The following DNAH5 variants were observed in gnomAD, a reference collection of about 807,000 sequenced individuals.
DNAH5 encodes the protein axonemal beta dynein heavy chain 5.
In DNAH5, 372 loss-of-function variants were observed where a neutral mutation model predicts 518.2. The observed-to-expected ratio is 0.72, with a 90% CI of 0.66 to 0.78. DNAH5 has a LOEUF of 0.78. Ranked by LOEUF, DNAH5 falls within the 30% of genes least tolerant of loss-of-function variation. The pLI is 0.00. For synonymous variants in DNAH5, 2,039 were observed against 2,025.9 expected (o/e 1.01, Z -0.17); for missense variants, 5,523 against 5,687.0 (o/e 0.97, Z 0.93).
rs562130872 is a variant in DNAH5 at position 13,701,536 on chromosome 5, T to C, written c.13339-100A>G. 9 of 1,209,868 alleles carry C rather than the reference T, an allele frequency of 7.4e-6. No homozygotes were observed. The South Asian group carries it at 1.2e-4, about 16-fold the overall frequency. 74.9% of individuals were successfully genotyped at this position (1,209,868 alleles called of 1,614,324 possible). A position where few individuals can be genotyped will look rare whatever the true frequency, so the allele number is the denominator to read the frequency against. ...AAAAAAAAAAGATGAAATATCAATT[T>C]CACTTTTATAATGAAAAAAGTCCCT... On this transcript the variant is annotated intron_variant, in intron 76 of 78. Transcript: ENST00000265104.
At chr5:13,811,382 G>A (rs893998963) in intron 44 of DNAH5, among the ~76,000 whole-genome samples, 7 of 152,102 alleles carry the variant, frequency 4.6e-5, no homozygotes, top group African/African-American at 4.8e-5. Context: ...TGGGATACCC[G>A]TTGCATGACT....
intron 75 of DNAH5, among the ~76,000 whole-genome samples, chr5:13,713,107 G>GTATATATA (rs1554018591): frequency 1.4e-5 from 2 of 139,924 alleles, no homozygotes; most frequent in African/African-American, 2.7e-5. Flanking sequence ...GTGTGTGTGT[G>GTATATATA]TATATATATA....
At chr5:13,945,502 C>T (rs145572825), upstream of DNAH5, among the ~76,000 whole-genome samples, 5 of 152,294 alleles carry the variant, frequency 3.3e-5, no homozygotes, top group South Asian at 2.1e-4. Flanking sequence ...TGCTAGGGCA[C>T]GGACGGCCTC....
intron 12 of DNAH5, among the ~76,000 whole-genome samples, chr5:13,909,470 T>A (rs576443396): frequency 5.5e-4 from 83 of 152,098 alleles, no homozygotes; most frequent in African/African-American, 1.8e-3. Flanking sequence ...CACACAAACA[T>A]CTTTCTAGCA....
At chr5:13,933,899 C>T (rs1335993766) in intron 1 of DNAH5, among the ~76,000 whole-genome samples, 1 of 151,720 alleles carries the variant, frequency 6.6e-6, no homozygotes, top group East Asian at 1.9e-4. Context: ...AACAATGCTA[C>T]ACAGGATTGG....
At chr5:13,748,838 G>A (rs1329675497) in intron 65 of DNAH5, among the ~76,000 whole-genome samples, 1 of 152,064 alleles carries the variant, frequency 6.6e-6, no homozygotes, top group Non-Finnish European at 1.5e-5. Context: ...GGGACAATTT[G>A]ACTTCCTCTT....
intron 21 of DNAH5, among the ~76,000 whole-genome samples, chr5:13,879,605 GA>G (rs1771357577): frequency 6.6e-6 from 1 of 151,736 alleles, no homozygotes; most frequent in South Asian, 2.1e-4. Flanking sequence ...AACAAAGACA[GA>G]AAGTATAAAA....
chr5:13,694,700 C>T (rs1168468213), intron 78 of DNAH5, among the ~76,000 whole-genome samples: 2 of 152,134 alleles, frequency 1.3e-5, no homozygotes, highest in African/African-American at 4.8e-5. Flanking sequence ...CCAAAATAAT[C>T]GTTACATAGA....
At chr5:13,925,741 G>A (rs997288937) in intron 3 of DNAH5, among the ~76,000 whole-genome samples, 1 of 152,194 alleles carries the variant, frequency 6.6e-6, no homozygotes. Context: ...AATTGTGGGA[G>A]TTACAATTCA....
At chr5:13,936,527 G>A (rs181565649) in intron 1 of DNAH5, among the ~76,000 whole-genome samples, 1 of 152,170 alleles carries the variant, frequency 6.6e-6, no homozygotes, top group Admixed American at 6.5e-5. Flanking sequence ...TTTGTCTCTA[G>A]GCTTATAATC....
chr5:13,734,486 G>T (rs1747066975), intron 68 of DNAH5, among the ~76,000 whole-genome samples: 1 of 152,104 alleles, frequency 6.6e-6, no homozygotes, highest in South Asian at 2.1e-4. Flanking sequence ...TGCTTCAGTA[G>T]ATGCAGAATA....
rs571813018 is a variant in DNAH5 at position 14,005,137 on chromosome 5, C to T, written c.12+6511G>A. ...CTGCACCAAACCACTCAGTCCCCCA[C>T]CAGTGGCAAGCCCTCTATTCCTTTG... On this transcript the variant is annotated intron_variant, in intron 1 of 78. Coordinates refer to the DNAH5 transcript ENST00000681290. 7.8e-4 allele frequency among the ~76,000 whole-genome samples: 119 copies of T among 152,306 alleles called. 3 individuals carry two copies. The highest frequency in any genetic ancestry group is 2.8e-3 in the African/African-American group (116 of 41,554).
chr5:13,939,305 A>G (rs948784008), intron 1 of DNAH5, among the ~76,000 whole-genome samples: 2 of 152,230 alleles, frequency 1.3e-5, no homozygotes, highest in African/African-American at 4.8e-5. Flanking sequence ...TGCAGAATCA[A>G]AATTAAGTCA....
chr5:13,839,642 G>T (rs772762902), intron 34 of DNAH5, 114 bp from the exon 35 acceptor site: 1 of 947,036 alleles, frequency 1.1e-6, no homozygotes, highest in Non-Finnish European at 1.7e-6. Flanking sequence ...ACAGACAACC[G>T]AACTATTTCA....
chr5:13,965,815 T>C (rs945297805), intron 1 of DNAH5, among the ~76,000 whole-genome samples: 2 of 152,198 alleles, frequency 1.3e-5, no homozygotes, highest in African/African-American at 4.8e-5. Context: ...TTATTTTTTA[T>C]TTCAATAGGT....
At chr5:13,804,040 CCTT>C (rs112598599) in intron 47 of DNAH5, among the ~76,000 whole-genome samples, 3,157 of 152,064 alleles carry the variant, frequency 0.021, 97 homozygotes, top group African/African-American at 0.069. Flanking sequence ...CTTCTTTTCA[CCTT>C]CTTGTATTGC....
At chr5:13,693,693 C>A (rs1017803796) in intron 78 of DNAH5, among the ~76,000 whole-genome samples, 5 of 152,078 alleles carry the variant, frequency 3.3e-5, no homozygotes, top group African/African-American at 1.2e-4. Flanking sequence ...ACAGCTCCCC[C>A]AAAACAAAGC....
intron 1 of DNAH5, among the ~76,000 whole-genome samples, chr5:13,962,877 C>A (rs1230372836): frequency 6.6e-6 from 1 of 152,070 alleles, no homozygotes; most frequent in African/African-American, 2.4e-5. Flanking sequence ...GAGTTTAAGA[C>A]ACACAAGCAA....
At chr5:13,776,193 T>G (rs1467858253) in intron 55 of DNAH5, among the ~76,000 whole-genome samples, 2 of 152,170 alleles carry the variant, frequency 1.3e-5, no homozygotes, top group East Asian at 3.9e-4. Flanking sequence ...TTTTCCTCTT[T>G]GATTCTCAGC....
Sources: allele counts gnomAD v4.1 joint callset (sites outside exome capture counted in the v4.1 genomes callset), GRCh38; gene constraint gnomAD v4.1.1; transcripts MANE v1.5; gene names NCBI Gene and HGNC (gene_info 2026-07-23, HGNC 2026-07-21).